Variants in ATRNL1 observed in about 807,000 individuals in gnomAD.
ATRNL1 encodes the protein attractin like 1, also known as attractin-like protein 1.
Under a neutral mutation model 182.7 loss-of-function variants are expected in ATRNL1, and 95 were observed. That is an observed-to-expected ratio of 0.52 (90% CI 0.44 to 0.62). ATRNL1 has a LOEUF of 0.62. ATRNL1 is among the 20% of genes least tolerant of loss of function. ATRNL1 has a pLI of 0.00. For missense variants in ATRNL1, 1,471 were observed against 1,679.5 expected, an observed-to-expected ratio of 0.88 and a Z score of 2.17; for synonymous variants, 576 against 568.3, an observed-to-expected ratio of 1.01 and a Z score of -0.19.
chr10:115,531,086 A>G (rs1281308097), intron 25 of ATRNL1, among the ~76,000 whole-genome samples: 2 of 152,042 alleles, frequency 1.3e-5, no homozygotes, highest in South Asian at 2.1e-4. Context: ...CGCAATAAAC[A>G]TATGTGTGCA....
intron 10 of ATRNL1, among the ~76,000 whole-genome samples, chr10:115,262,197 T>G (rs1851423053): frequency 6.6e-6 from 1 of 150,914 alleles, no homozygotes; most frequent in Non-Finnish European, 1.5e-5. Flanking sequence ...TTGATAAACC[T>G]TGTAGAAATA....
At chr10:115,401,195 A>G (rs1315667102) in intron 20 of ATRNL1, among the ~76,000 whole-genome samples, 1 of 152,038 alleles carries the variant, frequency 6.6e-6, no homozygotes, top group Admixed American at 6.6e-5. Context: ...TCTTATTAGA[A>G]TGGGCACTTA....
chr10:115,419,860 G>A (rs1299991885), intron 20 of ATRNL1, among the ~76,000 whole-genome samples: 5 of 151,922 alleles, frequency 3.3e-5, no homozygotes, highest in African/African-American at 4.8e-5. Flanking sequence ...TGTGCAGATC[G>A]TCCAGACAGA....
At chr10:115,385,760 G>C (rs1442325797) in intron 19 of ATRNL1, among the ~76,000 whole-genome samples, 2 of 152,062 alleles carry the variant, frequency 1.3e-5, no homozygotes, top group African/African-American at 4.8e-5. Context: ...TGTGATACTG[G>C]TTCCTTTTTT....
chr10:115,727,622 A>T (rs1265641147), intron 27 of ATRNL1, among the ~76,000 whole-genome samples: 1 of 152,172 alleles, frequency 6.6e-6, no homozygotes, highest in Non-Finnish European at 1.5e-5. Context: ...GAGCTGAGGG[A>T]ATTTAAGATA....
chr10:115,351,115 A>T (rs1592502462), intron 19 of ATRNL1, among the ~76,000 whole-genome samples: 2 of 152,224 alleles, frequency 1.3e-5, no homozygotes, highest in East Asian at 3.9e-4. Flanking sequence ...AGGTCTACTG[A>T]ATTTATTTAT....
chr10:115,901,753 A>C (rs1195376875), intron 28 of ATRNL1, among the ~76,000 whole-genome samples: 5 of 151,898 alleles, frequency 3.3e-5, no homozygotes, highest in African/African-American at 1.2e-4. Flanking sequence ...GAAAAAAAAA[A>C]AAAAAAAAAA....
intron 26 of ATRNL1, among the ~76,000 whole-genome samples, chr10:115,561,479 C>G (rs1554999590): frequency 6.6e-6 from 1 of 152,052 alleles, no homozygotes; most frequent in Non-Finnish European, 1.5e-5. Context: ...TACATTATAA[C>G]AACTATTTAC....
At chr10:115,552,571 T>G (rs1853055476) in intron 26 of ATRNL1, among the ~76,000 whole-genome samples, 3 of 151,446 alleles carry the variant, frequency 2.0e-5, no homozygotes, top group Non-Finnish European at 1.5e-5. Flanking sequence ...TTTAATATAT[T>G]GTGTTCATTC....
chr10:115,142,045 A>G (rs1554878204), intron 5 of ATRNL1, among the ~76,000 whole-genome samples: 2 of 152,192 alleles, frequency 1.3e-5, no homozygotes. Context: ...CATGGAACAA[A>G]GAAGACAAAG....
At chr10:115,497,343 G>C (rs1554978650) in intron 24 of ATRNL1, among the ~76,000 whole-genome samples, 1 of 152,124 alleles carries the variant, frequency 6.6e-6, no homozygotes, top group African/African-American at 2.4e-5. Flanking sequence ...TCTTCATAGG[G>C]GATCTAAGTG....
chr10:115,811,094 C>A (rs139615689), intron 27 of ATRNL1, among the ~76,000 whole-genome samples: 2,477 of 151,752 alleles, frequency 0.016, 80 homozygotes, highest in African/African-American at 0.057. Flanking sequence ...GACATTTTTT[C>A]TTTCTTAGTA....
chr10:115,927,405 G>T (rs1161975183), intron 28 of ATRNL1, among the ~76,000 whole-genome samples: 1 of 152,042 alleles, frequency 6.6e-6, no homozygotes, highest in East Asian at 1.9e-4. Context: ...AGAATACTGT[G>T]ATTACTGTTG....
intron 27 of ATRNL1, among the ~76,000 whole-genome samples, chr10:115,759,114 C>A (rs2134139303): frequency 6.6e-6 from 1 of 152,166 alleles, no homozygotes; most frequent in South Asian, 2.1e-4. Flanking sequence ...AAAATTAATG[C>A]CTATAATATT....
chr10:115,172,841 GTT>G (rs35287042), intron 8 of ATRNL1, among the ~76,000 whole-genome samples: 107 of 142,636 alleles, frequency 7.5e-4, no homozygotes, highest in Non-Finnish European at 1.0e-3. Flanking sequence ...TTCTCAAGTT[GTT>G]TTTTTTTTTT....
chr10:115,181,145 A>T (rs551111132), intron 8 of ATRNL1, among the ~76,000 whole-genome samples: 1 of 151,894 alleles, frequency 6.6e-6, no homozygotes, highest in Non-Finnish European at 1.5e-5. Flanking sequence ...AACATTTCCC[A>T]TACTTAATTT....
At chr10:115,773,106 T>C (rs186656085) in intron 27 of ATRNL1, among the ~76,000 whole-genome samples, 71 of 152,244 alleles carry the variant, frequency 4.7e-4, no homozygotes, top group Admixed American at 3.7e-3. Context: ...CTATGAGAAA[T>C]GAAACTGCAA....
At chr10:115,910,846 T>A (rs1555115740) in intron 28 of ATRNL1, among the ~76,000 whole-genome samples, 1 of 152,188 alleles carries the variant, frequency 6.6e-6, no homozygotes, top group Non-Finnish European at 1.5e-5. Flanking sequence ...CAATATTTTT[T>A]TCCTATAAGA....
rs528483311 is a variant in ATRNL1, at chr10:115,124,004, C to T, written c.491+2192C>T. Among the ~76,000 whole-genome samples, 20 of 151,746 alleles carry T rather than the reference C, an allele frequency of 1.3e-4. No individual in the cohort carries two copies. In the South Asian group the frequency reaches 1.5e-3, roughly 11 times the overall value. On this transcript the variant is annotated intron_variant, in intron 3 of 28. Coordinates refer to ENST00000355044, the MANE Select transcript of ATRNL1 (RefSeq NM_207303.4). ...GGCTTCCACTGATTCTACATTATGG[C>T]GGGTTGTATAATTATTTGATTACAT...
Sources: gnomAD v4.1 joint callset for allele counts (sites outside exome capture counted in the v4.1 genomes callset) on GRCh38, gnomAD v4.1.1 for gene constraint, MANE v1.5 for transcripts, NCBI Gene and HGNC (gene_info 2026-07-23, HGNC 2026-07-21) for gene names.